The following SPRR2B variants were observed in gnomAD, a reference collection of about 807,000 sequenced individuals.
SPRR2B encodes the protein small proline rich protein 2B, also known as small proline-rich protein 2B.
SPRR2B carries 1 observed loss-of-function variant against 1.0 expected under a neutral mutation model. That is an observed-to-expected ratio of 1.01 (90% CI 0.36 to 4.77). The LOEUF (loss-of-function observed/expected upper bound fraction) is 4.77, where lower values mean the gene tolerates loss of function less well. SPRR2B is among the 30% of genes most tolerant of loss of function. The pLI is 0.16. For synonymous variants in SPRR2B, 27 were observed against 33.4 expected (o/e 0.81, Z 0.66); for missense variants, 53 against 88.7 (o/e 0.60, Z 1.62).
upstream of SPRR2B, among the ~76,000 whole-genome samples, chr1:153,071,742 G>A (rs1028762067): frequency 6.6e-6 from 1 of 152,064 alleles, no homozygotes; most frequent in Non-Finnish European, 1.5e-5. Flanking sequence ...GGCATGACAG[G>A]GATTCTCAAA....
At chr1:153,082,506 A>G in the SPRR2B span, among the ~76,000 whole-genome samples, 1 of 152,346 alleles carries the variant, frequency 6.6e-6, no homozygotes, top group Non-Finnish European at 1.5e-5. Context: ...AAATCATACA[A>G]TGGACCTTTC....
chr1:153,070,655 G>T lies in SPRR2B; in HGVS notation c.185C>A (p.Pro62His), dbSNP rs771177680. Residue 62 changes from proline (P) to histidine (H), a missense_variant, in exon 2 of 2, where the codon CCC becomes CAC. By Grantham distance (77) the Pro-to-His change is moderately conservative (BLOSUM62 -2). Transcript: ENST00000368755. The stretch of plus-strand genomic sequence containing the variant: ...CTTCGGTGGATACTTTGGCTGGCAG[G>T]GTGGGGAAGGTGTCACAGGAGGATA... ...QKYPPVTPSP[P>H]CQPKYPPKSK The T allele has an allele frequency of 7.4e-6, 12 of 1,612,282 alleles. No homozygotes were observed. Among genetic ancestry groups the T allele is most frequent in the Non-Finnish European group, 1.0e-5 (12 of 1,179,816 alleles).
At chr1:153,079,680 T>C in the SPRR2B span, among the ~76,000 whole-genome samples, 2 of 152,170 alleles carry the variant, frequency 1.3e-5, no homozygotes, top group Non-Finnish European at 2.9e-5. Context: ...GTTGTAGATA[T>C]GCAGCATTAT....
chr1:153,070,463 T>C lies in SPRR2B; in HGVS notation c.*158A>G. 7.3e-7 allele frequency: 1 copy of C among 1,367,316 alleles called. No homozygotes were observed. The highest frequency in any genetic ancestry group is 9.8e-7 in the Non-Finnish European group (1 of 1,016,230). The allele number at this position is 1,367,316 out of a possible 1,614,324, so 84.7% of individuals were successfully genotyped here. On this transcript the variant is annotated 3_prime_UTR_variant, in exon 2 of 2. Coordinates refer to ENST00000368755, the MANE Select transcript of SPRR2B (RefSeq NM_001388198.1). ...ATGGCAGCCTTAGAAAGGAAACCTT[T>C]TGCTATCAGGGAACATCATGGGCAG...
the SPRR2B span, among the ~76,000 whole-genome samples, chr1:153,078,096 A>G: frequency 4.6e-4 from 70 of 152,364 alleles, no homozygotes; most frequent in African/African-American, 1.5e-3. Context: ...TTAAATGTAA[A>G]TGAATTAAAT....
the SPRR2B span, among the ~76,000 whole-genome samples, chr1:153,087,092 A>G: frequency 6.6e-6 from 1 of 152,170 alleles, no homozygotes; most frequent in Non-Finnish European, 1.5e-5. Context: ...ATAGCACTAT[A>G]ACACAAAGAA....
upstream of SPRR2B, among the ~76,000 whole-genome samples, chr1:153,076,330 T>C (rs1570990986): frequency 6.6e-6 from 1 of 152,174 alleles, no homozygotes; most frequent in African/African-American, 2.4e-5. Flanking sequence ...AATTCAAGAG[T>C]TATTAGTAAT....
chr1:153,079,251 G>T, the SPRR2B span, among the ~76,000 whole-genome samples: 1 of 152,092 alleles, frequency 6.6e-6, no homozygotes, highest in Non-Finnish European at 1.5e-5. Context: ...GTTCAGTGTG[G>T]ATTCTGGATA....
the SPRR2B span, among the ~76,000 whole-genome samples, chr1:153,080,204 A>G: frequency 9.9e-5 from 15 of 152,228 alleles, no homozygotes; most frequent in Non-Finnish European, 1.8e-4. Flanking sequence ...AGAAATTAAA[A>G]GAAGTTCATA....
At chr1:153,081,831 T>A in the SPRR2B span, among the ~76,000 whole-genome samples, 6 of 150,446 alleles carry the variant, frequency 4.0e-5, no homozygotes, top group Non-Finnish European at 8.9e-5. Context: ...TTTTCTTTTT[T>A]TTTTTTTTTT....
At chr1:153,085,789 C>A in the SPRR2B span, among the ~76,000 whole-genome samples, 1 of 152,154 alleles carries the variant, frequency 6.6e-6, no homozygotes, top group African/African-American at 2.4e-5. Flanking sequence ...AGAGAAAGAT[C>A]AGGTCACCTA....
At chr1:153,083,403 A>G in the SPRR2B span, among the ~76,000 whole-genome samples, 81,409 of 151,912 alleles carry the variant, frequency 0.54, 22,076 homozygotes, top group East Asian at 0.66. Context: ...AATATTCCTC[A>G]TGAATATGAT....
At chr1:153,076,615 C>A in the SPRR2B span, among the ~76,000 whole-genome samples, 1 of 152,034 alleles carries the variant, frequency 6.6e-6, no homozygotes, top group Non-Finnish European at 1.5e-5. Context: ...AAAGTATAAA[C>A]ACTAAGAAAA....
rs1203278281 is a variant in SPRR2B, at chr1:153,070,432, GGCAGTATGGCA to G, written c.*178_*188del. 1 of 1,127,100 alleles carries G rather than the reference GGCAGTATGGCA, an allele frequency of 8.9e-7. No individual in the cohort carries two copies. The highest frequency in any genetic ancestry group is 1.2e-6 in the Non-Finnish European group (1 of 806,020). The allele number at this position is 1,127,100 out of a possible 1,614,324, so 69.8% of individuals were successfully genotyped here. A position where few individuals can be genotyped will look rare whatever the true frequency, so the allele number is the denominator to read the frequency against. On this transcript the variant is annotated 3_prime_UTR_variant, in exon 2 of 2. Transcript: ENST00000368755. ...TTTGCTCAGTCTCCACCTGGACAGT[GGCAGTATGGCA>G]GCCTTAGAAAGGAAACCTTTTGCTA...
At chr1:153,084,614 T>G in the SPRR2B span, among the ~76,000 whole-genome samples, 1 of 152,174 alleles carries the variant, frequency 6.6e-6, no homozygotes, top group Admixed American at 6.5e-5. Flanking sequence ...CCTCTACCAC[T>G]GTGGTGAATG....
At chr1:153,071,986 A>T (rs2101611282), upstream of SPRR2B, among the ~76,000 whole-genome samples, 1 of 152,266 alleles carries the variant, frequency 6.6e-6, no homozygotes, top group Non-Finnish European at 1.5e-5. Context: ...TTCCTCGTAC[A>T]ATTTGCCAGT....
the SPRR2B span, among the ~76,000 whole-genome samples, chr1:153,079,662 A>G: frequency 6.6e-6 from 1 of 152,146 alleles, no homozygotes; most frequent in Non-Finnish European, 1.5e-5. Flanking sequence ...TTTGTCAAAG[A>G]TCAGATGGTT....
chr1:153,071,251 A>G (rs1177036722), intron 1 of SPRR2B, among the ~76,000 whole-genome samples: 3 of 149,506 alleles, frequency 2.0e-5, no homozygotes, highest in Non-Finnish European at 3.0e-5. Context: ...CTGTTCAGGA[A>G]GAAGTGCTGG....
chr1:153,071,299 T>C (rs1266750818), intron 1 of SPRR2B, among the ~76,000 whole-genome samples: 1 of 151,990 alleles, frequency 6.6e-6, no homozygotes, highest in Non-Finnish European at 1.5e-5. Flanking sequence ...TTGAAAAGGA[T>C]ACCAGAAAAA....
Sources: allele counts gnomAD v4.1 joint callset (sites outside exome capture counted in the v4.1 genomes callset), GRCh38; gene constraint gnomAD v4.1.1; transcripts MANE v1.5; gene names NCBI Gene and HGNC (gene_info 2026-07-23, HGNC 2026-07-21).